CREB5: variants seen among roughly 807,000 people sequenced by gnomAD.
CREB5 encodes the protein cyclic AMP-responsive element-binding protein 5.
A neutral mutation model predicts 57.1 loss-of-function variants in CREB5; 19 were observed. That is an observed-to-expected ratio of 0.33 (90% CI 0.23 to 0.49). CREB5 has a LOEUF of 0.49. Ranked by LOEUF, CREB5 falls within the 20% of genes least tolerant of loss-of-function variation. The pLI is 0.99. For synonymous variants in CREB5, 238 were observed against 238.3 expected (o/e 1.00, Z 0.01); for missense variants, 579 against 671.6 (o/e 0.86, Z 1.52).
intron 7 of CREB5, among the ~76,000 whole-genome samples, chr7:28,769,927 CA>C (rs939592999): frequency 6.6e-6 from 1 of 152,198 alleles, no homozygotes; most frequent in African/African-American, 2.4e-5. Context: ...TCCATGACCA[CA>C]AAAGAGACAT....
chr7:28,677,058 G>A (rs1248615368), intron 5 of CREB5, among the ~76,000 whole-genome samples: 1 of 152,086 alleles, frequency 6.6e-6, no homozygotes. Context: ...AATGTCTAAA[G>A]GCTTGATCAC....
chr7:28,626,908 G>A (rs1798015022), intron 5 of CREB5, among the ~76,000 whole-genome samples: 1 of 152,178 alleles, frequency 6.6e-6, no homozygotes, highest in Admixed American at 6.5e-5. Flanking sequence ...CTAGGCTGGA[G>A]AAATAAAAAG....
chr7:28,809,042 T>A, intron 8 of CREB5, 145 bp from the exon 9 acceptor site: 1 of 669,826 alleles, frequency 1.5e-6, no homozygotes, highest in East Asian at 2.8e-5. Context: ...TCATCGTCTG[T>A]TTCATTCATA....
chr7:28,308,676 C>A (rs1360554127), intron 1 of CREB5, among the ~76,000 whole-genome samples: 3 of 152,178 alleles, frequency 2.0e-5, no homozygotes, highest in African/African-American at 7.2e-5. Flanking sequence ...GGCACAACCC[C>A]TTCACAGCCA....
At chr7:28,459,756 G>C (rs547543965) in intron 1 of CREB5, among the ~76,000 whole-genome samples, 1 of 152,294 alleles carries the variant, frequency 6.6e-6, no homozygotes, top group Non-Finnish European at 1.5e-5. Context: ...TCTTTGACTG[G>C]CTCTGTCATG....
At chr7:28,796,540 C>A (rs1316774710) in intron 7 of CREB5, among the ~76,000 whole-genome samples, 3 of 152,124 alleles carry the variant, frequency 2.0e-5, no homozygotes, top group Non-Finnish European at 2.9e-5. Flanking sequence ...TCATTATGTA[C>A]CCCCATTTCA....
intron 5 of CREB5, among the ~76,000 whole-genome samples, chr7:28,627,404 T>C (rs1798040889): frequency 1.3e-5 from 2 of 152,324 alleles, no homozygotes; most frequent in African/African-American, 2.4e-5. Flanking sequence ...TTAAAACAAA[T>C]ACCAGTACTT....
chr7:28,665,471 A>AT (rs1562558569), intron 5 of CREB5, among the ~76,000 whole-genome samples: 1 of 152,154 alleles, frequency 6.6e-6, no homozygotes, highest in Non-Finnish European at 1.5e-5. Context: ...TGAGCTGGTT[A>AT]TTTTTTATGT....
At chr7:28,511,820 A>C (rs1792711979) in intron 4 of CREB5, among the ~76,000 whole-genome samples, 1 of 152,234 alleles carries the variant, frequency 6.6e-6, no homozygotes, top group Non-Finnish European at 1.5e-5. Flanking sequence ...AGAGGATTTG[A>C]CTTACATCTT....
At chr7:28,596,886 A>T (rs1415724688) in intron 5 of CREB5, among the ~76,000 whole-genome samples, 3 of 152,164 alleles carry the variant, frequency 2.0e-5, no homozygotes, top group Non-Finnish European at 4.4e-5. Flanking sequence ...AATAGTGGGA[A>T]GGATCCCAGT....
chr7:28,440,718 G>T, intron 1 of CREB5, among the ~76,000 whole-genome samples: 1 of 152,194 alleles, frequency 6.6e-6, no homozygotes, highest in East Asian at 1.9e-4. Flanking sequence ...CCAGATACAG[G>T]AAGATTGGAG....
intron 5 of CREB5, among the ~76,000 whole-genome samples, chr7:28,713,863 T>C (rs996360750): frequency 2.4e-4 from 37 of 152,282 alleles, no homozygotes; most frequent in African/African-American, 8.2e-4. Flanking sequence ...CCCTGAAGCT[T>C]TTTGTTTTTT....
At chr7:28,691,421 A>C (rs952321860) in intron 5 of CREB5, among the ~76,000 whole-genome samples, 1 of 100,986 alleles carries the variant, frequency 9.9e-6, no homozygotes, top group Non-Finnish European at 1.9e-5. Context: ...CTCTGTCTCC[A>C]AAAAAAAAAA....
chr7:28,730,804 A>G (rs1803577520), intron 7 of CREB5, among the ~76,000 whole-genome samples: 2 of 152,252 alleles, frequency 1.3e-5, no homozygotes, highest in East Asian at 3.9e-4. Context: ...TTCCAGGATC[A>G]CTCAGTGGTA....
intron 1 of CREB5, among the ~76,000 whole-genome samples, chr7:28,460,893 A>G (rs73297192): frequency 7.8e-4 from 118 of 152,108 alleles, no homozygotes; most frequent in East Asian, 2.7e-3. Context: ...GAAAGTGTAT[A>G]AAAGAGATGT....
intron 5 of CREB5, among the ~76,000 whole-genome samples, chr7:28,643,756 G>GGC (rs1554279445): frequency 1.2e-5 from 1 of 82,164 alleles, no homozygotes; most frequent in East Asian, 9.7e-4. Context: ...GGAGGTGGGG[G>GGC]GGGGCGGAAG....
intron 4 of CREB5, among the ~76,000 whole-genome samples, chr7:28,537,481 G>A (rs1442613864): frequency 1.3e-5 from 2 of 151,780 alleles, no homozygotes; most frequent in Non-Finnish European, 2.9e-5. Context: ...CCTCAGAAAT[G>A]GACATGGAGG....
At chr7:28,542,523 CACTT>C (rs953816990) in intron 4 of CREB5, among the ~76,000 whole-genome samples, 1 of 152,050 alleles carries the variant, frequency 6.6e-6, no homozygotes, top group Admixed American at 6.5e-5. Context: ...GAAAATGTAA[CACTT>C]AGCACCTCAG....
At chr7:28,737,573 ATATATATAT>A (rs1804092009) in intron 7 of CREB5, among the ~76,000 whole-genome samples, 2 of 52,324 alleles carry the variant, frequency 3.8e-5, no homozygotes, top group Non-Finnish European at 8.3e-5. Context: ...ATATATATAT[ATATATATAT>A]ATATATTTTT....
Sources: allele counts gnomAD v4.1 joint callset (sites outside exome capture counted in the v4.1 genomes callset), GRCh38; gene constraint gnomAD v4.1.1; transcripts MANE v1.5; gene names NCBI Gene and HGNC (gene_info 2026-07-23, HGNC 2026-07-21).